TMEM94: variants seen among roughly 807,000 people sequenced by gnomAD.
TMEM94 encodes transmembrane protein 94.
Under a neutral mutation model 158.6 loss-of-function variants are expected in TMEM94, and 81 were observed. The ratio of observed to expected loss-of-function variants is 0.51; its 90% CI spans 0.43 to 0.61. TMEM94 has a LOEUF of 0.61. Ranked by LOEUF, TMEM94 falls within the 20% of genes least tolerant of loss-of-function variation. The pLI is 0.00. For synonymous variants in TMEM94, 751 were observed against 730.7 expected (o/e 1.03, Z -0.45); for missense variants, 1,435 against 1,762.0 (o/e 0.81, Z 3.32).
chr17:75,495,955 G>A lies in TMEM94; in HGVS notation c.2945-11G>A, dbSNP rs769155388. The A allele has an allele frequency of 9.4e-6, 15 of 1,600,954 alleles. No individual in the cohort carries two copies. Among genetic ancestry groups the A allele is most frequent in the Middle Eastern group, 1.6e-4 (1 of 6,070 alleles). ...CTGCCTGACTCTGGTGCCCTTATAC[G>A]CTGTCCTCAGCCATGTGTGAGATGA... On this transcript the variant is annotated splice_polypyrimidine_tract_variant and intron_variant, in intron 22 of 31. Coordinates refer to ENST00000314256, the MANE Select transcript of TMEM94 (RefSeq NM_014738.6). This position sits in a 1 kb window ranked among gnomAD's most constrained non-coding sequence, Gnocchi z 5.6.
In TMEM94 at chr17:75,487,555, T is replaced by G. The variant is rs961367970; in HGVS notation, c.410-377T>G. The stretch of plus-strand genomic sequence containing the variant: ...AATGCTTAGCCGTGTTTGCCTTGTT[T>G]GGCGTTATCTGTCCACATGTCTCAT... On this transcript the variant is annotated intron_variant, in intron 5 of 31. Coordinates refer to ENST00000314256, the MANE Select transcript of TMEM94 (RefSeq NM_014738.6). The surrounding 1 kb of genome is among the most constrained non-coding windows in gnomAD (Gnocchi z 4.6). Among the ~76,000 whole-genome samples the G allele has an allele frequency of 6.6e-6, 1 of 152,254 alleles. No homozygotes were observed. Among genetic ancestry groups the G allele is most frequent in the Non-Finnish European group, 1.5e-5 (1 of 68,038 alleles).
intron 2 of TMEM94, among the ~76,000 whole-genome samples, chr17:75,484,969 C>T (rs774033979): frequency 5.2e-4 from 79 of 151,052 alleles, no homozygotes; most frequent in Non-Finnish European, 1.1e-3. Context: ...ACCCGGGAGG[C>T]AGAGGTTGCA....
At chr17:75,484,361 A>G (rs1279990168) in intron 2 of TMEM94, among the ~76,000 whole-genome samples, 9 of 125,992 alleles carry the variant, frequency 7.1e-5, no homozygotes, top group Non-Finnish European at 3.1e-5. Flanking sequence ...TTTTTCCTTC[A>G]TGTCTTTCCT....
chr17:75,480,008 C>T (rs1389956780), intron 2 of TMEM94, among the ~76,000 whole-genome samples: 1 of 151,844 alleles, frequency 6.6e-6, no homozygotes, highest in Non-Finnish European at 1.5e-5. Flanking sequence ...ATTGCTTGAG[C>T]CCCAGAGGTG....
In TMEM94 at chr17:75,493,682, G is replaced by A. The variant is rs369698854; in HGVS notation, c.2190-17G>A. On this transcript the variant is annotated splice_polypyrimidine_tract_variant and intron_variant, in intron 17 of 31. Coordinates refer to ENST00000314256, the MANE Select transcript of TMEM94 (RefSeq NM_014738.6). ...AGGCAGGAACACTCACCTCACCTCCGCCTGCTTCCCTGGCAGAAAGAAAGT... is the reference window on the plus strand; with the variant it reads ...AGGCAGGAACACTCACCTCACCTCCACCTGCTTCCCTGGCAGAAAGAAAGT... 7.9e-5 allele frequency: 127 copies of A among 1,613,668 alleles called. No individual in the cohort carries two copies. The highest frequency in any genetic ancestry group is 1.0e-4 in the Non-Finnish European group (120 of 1,179,982).
chr17:75,495,926 C>T lies in TMEM94; in HGVS notation c.2945-40C>T, dbSNP rs1250427584. The T allele has an allele frequency of 6.8e-7, 1 of 1,472,636 alleles. No homozygotes were observed. The highest frequency in any genetic ancestry group is 1.2e-5 in the South Asian group (1 of 86,356). 91.2% of individuals were successfully genotyped at this position (1,472,636 alleles called of 1,614,324 possible). On this transcript the variant is annotated intron_variant, in intron 22 of 31. Coordinates refer to ENST00000314256, the MANE Select transcript of TMEM94 (RefSeq NM_014738.6). This position sits in a 1 kb window ranked among gnomAD's most constrained non-coding sequence, Gnocchi z 5.6. Reference sequence around the variant, plus strand: ...CTCTGCCCAGTGCCCACTTGGTGCTCTGCCTGCCTGACTCTGGTGCCCTTA... The same window carrying T: ...CTCTGCCCAGTGCCCACTTGGTGCTTTGCCTGCCTGACTCTGGTGCCCTTA...
chr17:75,461,376 A>G (rs2050062959), intron 1 of TMEM94, among the ~76,000 whole-genome samples: 1 of 152,114 alleles, frequency 6.6e-6, no homozygotes. Context: ...CTGGGATTAC[A>G]GGCATGAGCC....
In TMEM94 at chr17:75,492,910, C is replaced by A; in HGVS notation, c.1913-19C>A. 1 of 1,604,356 alleles carries A rather than the reference C, an allele frequency of 6.2e-7. No homozygotes were observed. The highest frequency in any genetic ancestry group is 1.7e-5 in the Admixed American group (1 of 59,432). Reference sequence around the variant, plus strand: ...TATTGCCAGGGCATGGCCCTAAGTTCCTGTTCCCCGCCCTGCAGGCTTCAC... The same window carrying A: ...TATTGCCAGGGCATGGCCCTAAGTTACTGTTCCCCGCCCTGCAGGCTTCAC... On this transcript the variant is annotated intron_variant, in intron 15 of 31. Coordinates refer to ENST00000314256, the MANE Select transcript of TMEM94 (RefSeq NM_014738.6). The surrounding 1 kb of genome is among the most constrained non-coding windows in gnomAD (Gnocchi z 4.4).
chr17:75,461,122 A>G (rs1258605857), intron 1 of TMEM94, among the ~76,000 whole-genome samples: 1 of 112,996 alleles, frequency 8.8e-6, no homozygotes, highest in African/African-American at 3.5e-5. Flanking sequence ...TTTTTGAGAC[A>G]GAGTTTTGCT....
chr17:75,497,227 C>T, intron 26 of TMEM94, 29 bp downstream of exon 26: 3 of 1,566,192 alleles, frequency 1.9e-6, no homozygotes, highest in Non-Finnish European at 2.6e-6. Flanking sequence ...TCCCCACACC[C>T]CATGCCTAAG....
chr17:75,485,721 T>C lies in TMEM94; in HGVS notation c.145-150T>C, dbSNP rs1345443650. ...CCCTCAGAGTGGCTCCTGAGCCTGC[T>C]TGCTGCAGGAGCCCAACAGGCTGGA... is the stretch of plus-strand genomic sequence containing the variant. On this transcript the variant is annotated intron_variant, in intron 3 of 31. Transcript: ENST00000314256. This position sits in a 1 kb window ranked among gnomAD's most constrained non-coding sequence, Gnocchi z 5.5. 7.6e-7 allele frequency: 1 copy of C among 1,318,832 alleles called. No individual in the cohort carries two copies. Among genetic ancestry groups the C allele is most frequent in the East Asian group, 2.5e-5 (1 of 40,146 alleles). 81.7% of individuals were successfully genotyped at this position (1,318,832 alleles called of 1,614,324 possible). A position where few individuals can be genotyped will look rare whatever the true frequency, so the allele number is the denominator to read the frequency against.
rs765266002 is a variant in TMEM94, at chr17:75,491,171, G to T, written c.1233+18G>T. Reference sequence around the variant, plus strand: ...CTGTCACGGTGAGGGTGGGCCTTGCGGGGAGGAGGCAACTGTCATGCCCGC... The same window carrying T: ...CTGTCACGGTGAGGGTGGGCCTTGCTGGGAGGAGGCAACTGTCATGCCCGC... On this transcript the variant is annotated intron_variant, in intron 12 of 31. Coordinates refer to ENST00000314256, the MANE Select transcript of TMEM94 (RefSeq NM_014738.6). This position sits in a 1 kb window ranked among gnomAD's most constrained non-coding sequence, Gnocchi z 5.1. The T allele has an allele frequency of 2.5e-6, 4 of 1,599,570 alleles. No individual in the cohort carries two copies.
intron 2 of TMEM94, among the ~76,000 whole-genome samples, chr17:75,482,171 G>C (rs116854986): frequency 0.054 from 8,187 of 151,962 alleles, 231 homozygotes; most frequent in Middle Eastern, 0.099. Flanking sequence ...GGTGAAACTC[G>C]GTCTCTACTA....
chr17:75,490,921 C>A, intron 11 of TMEM94, 128 bp from the exon 12 acceptor site: 2 of 938,316 alleles, frequency 2.1e-6, no homozygotes, highest in Non-Finnish European at 1.7e-6. Flanking sequence ...CGTGTCCACA[C>A]CCTGTCCCAG....
At chr17:75,484,290 T>A (rs936780768) in intron 2 of TMEM94, among the ~76,000 whole-genome samples, 7 of 151,878 alleles carry the variant, frequency 4.6e-5, no homozygotes, top group Non-Finnish European at 8.8e-5. Flanking sequence ...CCTGCCCCTT[T>A]CTTCCGTCCC....
At position 75,490,333 on chromosome 17, in the gene TMEM94, G is replaced by A. The variant is rs771215379; in HGVS notation, c.1054G>A (p.Ala352Thr). 3.7e-6 allele frequency: 6 copies of A among 1,613,638 alleles called. No individual in the cohort carries two copies. In the South Asian group the frequency reaches 4.4e-5, roughly 12 times the overall value. Residue 352 changes from alanine to threonine, a missense_variant, in exon 10 of 32, where the codon GCC becomes ACC. This residue lies in a region of TMEM94 where 1,051 missense variants were observed against 1,254.4 expected (regional missense o/e 0.84). Transcript: ENST00000314256. ...CCGTGTCCTGGCCCAGATGAGCAAG[G>A]CCTCACCCAGCTCCCTGGTAGGTTT... ...EARVLAQMSK[A>T]SPSSLLAKFS...
rs2053095776 is a variant in TMEM94 at position 75,499,417 on chromosome 17, G to C, written c.*83G>C. ...TTCTGAACAGGGGAGTTTGTATCAT[G>C]AATGTTTCCAGGTTTGCTCCTGCAC... On this transcript the variant is annotated 3_prime_UTR_variant, in exon 32 of 32. Coordinates refer to ENST00000314256, the MANE Select transcript of TMEM94 (RefSeq NM_014738.6). The C allele has an allele frequency of 7.3e-7, 1 of 1,366,622 alleles. No individual in the cohort carries two copies. Among genetic ancestry groups the C allele is most frequent in the African/African-American group, 1.4e-5 (1 of 69,660 alleles). The allele number at this position is 1,366,622 out of a possible 1,614,324, so 84.7% of individuals were successfully genotyped here. A position where few individuals can be genotyped will look rare whatever the true frequency, so the allele number is the denominator to read the frequency against.
chr17:75,493,033 T>C lies in TMEM94; in HGVS notation c.2017T>C (p.Ser673Pro), dbSNP rs376943523. ...TMKETSLGRL[S>P]CVTKRRPPLS... ...GAAGGAGACATCGCTGGGGCGGCTC[T>C]CCTGTGTCACCAAGCGGCGGCCTCC... Residue 673 changes from serine (S) to proline (P), a missense_variant, in exon 16 of 32, where the codon TCC becomes CCC. Around this residue, in one of 3 missense-constraint regions of TMEM94, gnomAD observed 1,051 missense variants for 1,254.4 expected, o/e 0.84. Coordinates refer to ENST00000314256, the MANE Select transcript of TMEM94 (RefSeq NM_014738.6). 6.2e-7 allele frequency: 1 copy of C among 1,613,550 alleles called. No individual in the cohort carries two copies. Among genetic ancestry groups the C allele is most frequent in the African/African-American group, 1.3e-5 (1 of 74,950 alleles).
intron 1 of TMEM94, among the ~76,000 whole-genome samples, chr17:75,465,655 T>TATATATATATATATATA (rs9302993): frequency 1.0e-4 from 10 of 98,770 alleles, no homozygotes; most frequent in African/African-American, 4.3e-4. Context: ...ATAAGAATTT[T>TATATATATATATATATA]TATATATATA....
Sources: allele counts gnomAD v4.1 joint callset (sites outside exome capture counted in the v4.1 genomes callset), GRCh38; gene constraint gnomAD v4.1.1; regional missense constraint gnomAD v4.1.1; non-coding constraint Gnocchi (gnomAD v3.1); transcripts MANE v1.5; gene names NCBI Gene and HGNC (gene_info 2026-07-23, HGNC 2026-07-21).